The following NFKB1 variants were observed in gnomAD, a reference collection of about 807,000 sequenced individuals.
NFKB1 encodes the protein nuclear factor kappa B subunit 1, also known as nuclear factor NF-kappa-B p105 subunit.
Under a neutral mutation model 105.1 loss-of-function variants are expected in NFKB1, and 9 were observed. That is an observed-to-expected ratio of 0.09 (90% CI 0.05 to 0.15). The LOEUF (loss-of-function observed/expected upper bound fraction) is 0.15. Ranked by LOEUF, NFKB1 falls within the 10% of genes least tolerant of loss-of-function variation. NFKB1 has a pLI of 1.00. For synonymous variants in NFKB1, 440 were observed against 442.2 expected (o/e 1.00, Z 0.06); for missense variants, 830 against 1,203.7 (o/e 0.69, Z 4.59).
Position 102,568,454 on chromosome 4 carries a change from T to C in NFKB1, c.407+1319T>C, listed in dbSNP as rs949474460. Among the ~76,000 whole-genome samples the C allele has an allele frequency of 7.2e-5, 11 of 152,282 alleles. No individual in the cohort carries two copies. The Middle Eastern group carries it at 0.01, about 141-fold the overall frequency. On this transcript the variant is annotated intron_variant, in intron 6 of 23. Transcript: ENST00000226574. The stretch of plus-strand genomic sequence containing the variant: ...TGTGGAATACCCTTCCAATTCCTGA[T>C]TGACCTAGGAGAGCTTTGAAATGCA...
At chr4:102,547,782 C>G (rs1211472748) in intron 5 of NFKB1, among the ~76,000 whole-genome samples, 2 of 152,138 alleles carry the variant, frequency 1.3e-5, no homozygotes, top group Non-Finnish European at 2.9e-5. Context: ...AGTACAGTCT[C>G]TCTAATCAGT....
At chr4:102,504,887 A>C (rs1739327960) in intron 1 of NFKB1, among the ~76,000 whole-genome samples, 1 of 152,180 alleles carries the variant, frequency 6.6e-6, no homozygotes, top group African/African-American at 2.4e-5. Flanking sequence ...GAATTTTTTT[A>C]ATCAAAAAAG....
intron 9 of NFKB1, among the ~76,000 whole-genome samples, chr4:102,582,146 G>A (rs181967104): frequency 1.7e-3 from 255 of 152,196 alleles, no homozygotes; most frequent in Admixed American, 4.1e-3. Context: ...TTTAAGCATT[G>A]CATTTTAATT....
intron 5 of NFKB1, among the ~76,000 whole-genome samples, chr4:102,551,126 T>C (rs1722541882): frequency 6.6e-6 from 1 of 152,182 alleles, no homozygotes; most frequent in South Asian, 2.1e-4. Context: ...CTTCTTGGCC[T>C]TCCTACCTTC....
At chr4:102,564,701 T>A (rs760499216) in intron 5 of NFKB1, among the ~76,000 whole-genome samples, 15 of 152,194 alleles carry the variant, frequency 9.9e-5, no homozygotes, top group Non-Finnish European at 1.6e-4. Context: ...CAGAGACTAA[T>A]TGCCTCATAA....
At chr4:102,533,937 G>A in intron 4 of NFKB1, 52 bp downstream of exon 4, 1 of 1,462,372 alleles carries the variant, frequency 6.8e-7, no homozygotes, top group Non-Finnish European at 9.5e-7. Context: ...GTCTAATATT[G>A]AGATCATAAG....
chr4:102,548,351 A>G (rs369138401), intron 5 of NFKB1, among the ~76,000 whole-genome samples: 4 of 152,264 alleles, frequency 2.6e-5, no homozygotes, highest in South Asian at 2.1e-4. Flanking sequence ...CAGGTAGGCT[A>G]TATGTAGCTG....
chr4:102,535,579 A>G (rs1478203592), intron 4 of NFKB1, among the ~76,000 whole-genome samples: 1 of 152,168 alleles, frequency 6.6e-6, no homozygotes, highest in African/African-American at 2.4e-5. Flanking sequence ...TTTTAAGCAA[A>G]TGGAGTTACT....
chr4:102,544,986 TG>T (rs1722029881), intron 5 of NFKB1, among the ~76,000 whole-genome samples: 2 of 152,158 alleles, frequency 1.3e-5, no homozygotes, highest in South Asian at 4.1e-4. Context: ...AAATCTCTGG[TG>T]GCTTCTTTTA....
chr4:102,552,064 G>A (rs1722661236), intron 5 of NFKB1, among the ~76,000 whole-genome samples: 2 of 152,158 alleles, frequency 1.3e-5, no homozygotes, highest in African/African-American at 2.4e-5. Context: ...ATGGAAACAC[G>A]ATACATAAGA....
At chr4:102,573,600 T>G (rs1223165161) in intron 6 of NFKB1, among the ~76,000 whole-genome samples, 1 of 152,158 alleles carries the variant, frequency 6.6e-6, no homozygotes, top group Non-Finnish European at 1.5e-5. Context: ...GTTTTAAAAC[T>G]TTTTGGCCAT....
chr4:102,588,951 G>A (rs768429914), intron 11 of NFKB1, among the ~76,000 whole-genome samples: 1 of 152,130 alleles, frequency 6.6e-6, no homozygotes, highest in Non-Finnish European at 1.5e-5. Flanking sequence ...ATCCCATGGT[G>A]CCATTGTCAA....
At chr4:102,582,483 TAA>T (rs1197325019) in intron 9 of NFKB1, among the ~76,000 whole-genome samples, 1 of 152,210 alleles carries the variant, frequency 6.6e-6, no homozygotes, top group Admixed American at 6.5e-5. Flanking sequence ...AAAACTTATA[TAA>T]GTTAATTATT....
chr4:102,535,988 C>G (rs1009481995), intron 4 of NFKB1, among the ~76,000 whole-genome samples: 1 of 151,628 alleles, frequency 6.6e-6, no homozygotes, highest in Admixed American at 6.6e-5. Flanking sequence ...TGAGTCATAG[C>G]ATAGACTACT....
chr4:102,546,054 G>A (rs752297256), intron 5 of NFKB1, among the ~76,000 whole-genome samples: 4 of 151,984 alleles, frequency 2.6e-5, no homozygotes, highest in Non-Finnish European at 1.5e-5. Context: ...AGGATTTTGA[G>A]GCCAGCATGG....
intron 5 of NFKB1, among the ~76,000 whole-genome samples, chr4:102,556,931 C>T (rs1723029881): frequency 6.6e-6 from 1 of 151,992 alleles, no homozygotes; most frequent in South Asian, 2.1e-4. Flanking sequence ...AAGCAGTGCT[C>T]ATCTGTAGAC....
chr4:102,569,080 AAT>A (rs1248357277), intron 6 of NFKB1, among the ~76,000 whole-genome samples: 1 of 152,084 alleles, frequency 6.6e-6, no homozygotes, highest in African/African-American at 2.4e-5. Flanking sequence ...TTAGCTGAGA[AAT>A]TTTTGCTTAC....
intron 19 of NFKB1, among the ~76,000 whole-genome samples, chr4:102,609,172 A>G (rs1728138505): frequency 6.6e-6 from 1 of 151,012 alleles, no homozygotes; most frequent in South Asian, 2.1e-4. Flanking sequence ...AAAAAAAAAG[A>G]AAAAGAAAGA....
At chr4:102,593,341 C>A in intron 11 of NFKB1, 84 bp from the exon 12 acceptor site, 1 of 1,227,476 alleles carries the variant, frequency 8.1e-7, no homozygotes, top group Non-Finnish European at 1.2e-6. Flanking sequence ...TTTAAAAATA[C>A]CATTAGAATC....
Sources: gnomAD v4.1 joint callset for allele counts (sites outside exome capture counted in the v4.1 genomes callset) on GRCh38, gnomAD v4.1.1 for gene constraint, MANE v1.5 for transcripts, NCBI Gene and HGNC (gene_info 2026-07-23, HGNC 2026-07-21) for gene names.